Variants in THSD4 observed in about 807,000 individuals in gnomAD.
THSD4 encodes the protein thrombospondin type 1 domain containing 4, also known as thrombospondin type-1 domain-containing protein 4.
A neutral mutation model predicts 119.0 loss-of-function variants in THSD4; 69 were observed. That is an observed-to-expected ratio of 0.58 (90% CI 0.48 to 0.71). THSD4 has a LOEUF of 0.71. Among genes scored for constraint, THSD4 ranks in the 30% least tolerant of loss-of-function variants. THSD4 has a pLI of 0.00. For synonymous variants in THSD4, 524 were observed against 540.4 expected (o/e 0.97, Z 0.42); for missense variants, 1,393 against 1,391.1 (o/e 1.00, Z -0.02).
At chr15:71,725,595 G>C (rs956714235) in intron 8 of THSD4, among the ~76,000 whole-genome samples, 1 of 152,158 alleles carries the variant, frequency 6.6e-6, no homozygotes, top group Non-Finnish European at 1.5e-5. Context: ...TGGGGTGAGA[G>C]TGTTTCAAAT....
chr15:71,728,246 TTCC>T (rs1207551585), intron 8 of THSD4, among the ~76,000 whole-genome samples: 2 of 152,296 alleles, frequency 1.3e-5, no homozygotes, highest in Admixed American at 6.5e-5. Flanking sequence ...CTTTTTTCTC[TTCC>T]TCCTCTTTCT....
At chr15:71,171,682 G>T (rs150056411) in intron 3 of THSD4, among the ~76,000 whole-genome samples, 1 of 152,286 alleles carries the variant, frequency 6.6e-6, no homozygotes, top group African/African-American at 2.4e-5. Context: ...ATAATCATCT[G>T]TTGTAGGGTT....
chr15:71,255,988 G>A (rs1030480385), intron 5 of THSD4, among the ~76,000 whole-genome samples: 6 of 151,546 alleles, frequency 4.0e-5, no homozygotes, highest in African/African-American at 1.4e-4. Flanking sequence ...GAAGTAGAAG[G>A]TTTAGATCAG....
intron 7 of THSD4, among the ~76,000 whole-genome samples, chr15:71,623,549 T>C (rs2050455690): frequency 6.6e-6 from 1 of 152,222 alleles, no homozygotes; most frequent in Non-Finnish European, 1.5e-5. Flanking sequence ...TCAATATTTA[T>C]TTTGCTTAGC....
chr15:71,135,789 C>T (rs531143145), intron 1 of THSD4, among the ~76,000 whole-genome samples: 25 of 152,184 alleles, frequency 1.6e-4, no homozygotes, highest in Admixed American at 1.6e-3. Context: ...CCCCCACCTC[C>T]ATGCATTATG....
intron 10 of THSD4, among the ~76,000 whole-genome samples, chr15:71,736,335 ATC>A (rs1567127245): frequency 1.1e-5 from 1 of 95,170 alleles, no homozygotes; most frequent in Non-Finnish European, 2.2e-5. Flanking sequence ...CTTGCTCTCT[ATC>A]TCTGACTCTC....
chr15:71,685,201 T>TA (rs2141038701), intron 8 of THSD4, among the ~76,000 whole-genome samples: 1 of 149,374 alleles, frequency 6.7e-6, no homozygotes, highest in Admixed American at 6.7e-5. Context: ...TTTCCTCTTT[T>TA]TAAAAAAAAA....
chr15:71,628,434 C>T (rs913963200), intron 7 of THSD4, among the ~76,000 whole-genome samples: 1 of 152,126 alleles, frequency 6.6e-6, no homozygotes, highest in South Asian at 2.1e-4. Flanking sequence ...ATTAACTTAT[C>T]CAAGGTGGCG....
intron 11 of THSD4, among the ~76,000 whole-genome samples, chr15:71,740,461 T>C (rs1025979528): frequency 6.6e-6 from 1 of 152,198 alleles, no homozygotes; most frequent in South Asian, 2.1e-4. Context: ...AAGCTGTCAC[T>C]GCGTGGTTTT....
chr15:71,212,040 T>C (rs1335220543), intron 3 of THSD4, among the ~76,000 whole-genome samples: 1 of 151,976 alleles, frequency 6.6e-6, no homozygotes, highest in Non-Finnish European at 1.5e-5. Flanking sequence ...GGGGAGAGGG[T>C]TGTCAGGAGG....
intron 7 of THSD4, among the ~76,000 whole-genome samples, chr15:71,508,501 C>T (rs1353132036): frequency 2.0e-5 from 3 of 152,112 alleles, no homozygotes; most frequent in African/African-American, 4.8e-5. Context: ...CCAAAGTCAC[C>T]GCACTGAAAA....
chr15:71,445,964 C>A (rs920554), intron 7 of THSD4, among the ~76,000 whole-genome samples: 87,522 of 152,018 alleles, frequency 0.58, 25,823 homozygotes, highest in Middle Eastern at 0.7. Flanking sequence ...GTTGCAAGAT[C>A]GCTCTGCCTA....
At chr15:71,721,506 TA>T (rs56273435) in intron 8 of THSD4, among the ~76,000 whole-genome samples, 128,131 of 143,910 alleles carry the variant, frequency 0.89, 58,567 homozygotes, top group Non-Finnish European at 0.99. Context: ...GATTCTGTCT[TA>T]AAAAAAAAAA....
At chr15:71,634,504 C>A (rs2140951449) in intron 7 of THSD4, among the ~76,000 whole-genome samples, 1 of 152,322 alleles carries the variant, frequency 6.6e-6, no homozygotes, top group Non-Finnish European at 1.5e-5. Context: ...CGTCCCAATG[C>A]CATGTCCACT....
At chr15:71,574,059 G>A (rs146951426) in intron 7 of THSD4, among the ~76,000 whole-genome samples, 6 of 152,286 alleles carry the variant, frequency 3.9e-5, no homozygotes, top group South Asian at 2.1e-4. Context: ...AGAAAGTAGC[G>A]CAGAACTTCT....
At chr15:71,349,196 A>G (rs2045710210) in intron 6 of THSD4, among the ~76,000 whole-genome samples, 1 of 152,228 alleles carries the variant, frequency 6.6e-6, no homozygotes, top group Admixed American at 6.5e-5. Flanking sequence ...TATTCTAATT[A>G]AAAACAAGGC....
At chr15:71,567,354 T>A (rs917986218) in intron 7 of THSD4, among the ~76,000 whole-genome samples, 1 of 151,870 alleles carries the variant, frequency 6.6e-6, no homozygotes, top group South Asian at 2.1e-4. Flanking sequence ...GGAAGTGAGA[T>A]AGGAAGGGAA....
intron 8 of THSD4, among the ~76,000 whole-genome samples, chr15:71,672,516 A>G (rs1230353226): frequency 6.6e-6 from 1 of 152,208 alleles, no homozygotes; most frequent in Non-Finnish European, 1.5e-5. Flanking sequence ...CAGAACTTCC[A>G]ACACTATGTT....
intron 6 of THSD4, among the ~76,000 whole-genome samples, chr15:71,349,342 C>G (rs1363856671): frequency 6.6e-6 from 1 of 152,168 alleles, no homozygotes; most frequent in Non-Finnish European, 1.5e-5. Context: ...TTAATTACTT[C>G]TTTGCTTAAT....
Sources: gnomAD v4.1 joint callset for allele counts (sites outside exome capture counted in the v4.1 genomes callset) on GRCh38, gnomAD v4.1.1 for gene constraint, MANE v1.5 for transcripts, NCBI Gene and HGNC (gene_info 2026-07-23, HGNC 2026-07-21) for gene names.